Variants in PLCL1 observed in about 807,000 individuals in gnomAD.
The protein encoded by PLCL1 is inactive phospholipase C-like protein 1.
In PLCL1, 41 loss-of-function variants were observed where a neutral mutation model predicts 84.4. The observed-to-expected ratio is 0.49, with a 90% CI of 0.38 to 0.63. The LOEUF is 0.63. Ranked by LOEUF, PLCL1 falls within the 30% of genes least tolerant of loss-of-function variation. The probability of loss-of-function intolerance (pLI) is 0.00; values close to 1 mark genes in which losing one functional copy is unlikely to be tolerated. For synonymous variants in PLCL1, 490 were observed against 488.3 expected, an observed-to-expected ratio of 1.00 and a Z score of -0.05; for missense variants, 1,206 against 1,367.8, an observed-to-expected ratio of 0.88 and a Z score of 1.87.
At chr2:197,807,700 A>T (rs945403975) in intron 1 of PLCL1, among the ~76,000 whole-genome samples, 2 of 152,178 alleles carry the variant, frequency 1.3e-5, no homozygotes, top group South Asian at 2.1e-4. Flanking sequence ...ATTTTTTTTT[A>T]AATTTGGCAT....
intron 1 of PLCL1, among the ~76,000 whole-genome samples, chr2:197,933,604 G>C (rs1265593080): frequency 1.3e-5 from 2 of 152,120 alleles, no homozygotes; most frequent in East Asian, 3.8e-4. Context: ...CAAAATGAGG[G>C]TAATTGGTGA....
intron 5 of PLCL1, among the ~76,000 whole-genome samples, chr2:198,104,273 T>C (rs758890165): frequency 6.6e-6 from 1 of 152,032 alleles, no homozygotes; most frequent in African/African-American, 2.4e-5. Flanking sequence ...TTCCCACTTA[T>C]AAGTGAGAAT....
Position 198,149,735 on chromosome 2 carries a change from T to G in PLCL1, c.*2773T>G, listed in dbSNP as rs149619136. 2 of 152,302 alleles carry G rather than the reference T, an allele frequency of 1.3e-5. No homozygotes were observed. Among genetic ancestry groups the G allele is most frequent in the East Asian group, 3.9e-4 (2 of 5,186 alleles). 9.4% of individuals were successfully genotyped at this position (152,302 alleles called of 1,614,324 possible). ...TTAGACACTGTTTAGAGTTTATACA[T>G]ATATGTAAATATGCTTGTATTTTAA... is the stretch of plus-strand genomic sequence containing the variant. On this transcript the variant is annotated 3_prime_UTR_variant, in exon 6 of 6. Coordinates refer to ENST00000428675, the MANE Select transcript of PLCL1 (RefSeq NM_006226.4).
intron 5 of PLCL1, among the ~76,000 whole-genome samples, chr2:198,109,323 A>G (rs1277600036): frequency 6.6e-6 from 1 of 151,848 alleles, no homozygotes; most frequent in Non-Finnish European, 1.5e-5. Context: ...AGTTCCCTCC[A>G]GCCCTTTTAC....
In PLCL1 at chr2:198,083,875, G is replaced by C. The variant is rs1692782850; in HGVS notation, c.358G>C (p.Glu120Gln). 6.2e-7 allele frequency: 1 copy of C among 1,614,038 alleles called. No homozygotes were observed. Among genetic ancestry groups the C allele is most frequent in the Non-Finnish European group, 8.5e-7 (1 of 1,180,002 alleles). Residue 120 changes from glutamate to glutamine, a missense_variant, in exon 2 of 6, where the codon GAG becomes CAG. Glu to Gln is a conservative substitution (Grantham distance 29). Transcript: ENST00000428675. Reference sequence around the variant, plus strand: ...CATCAGCTTCATGCAAGCTGGCTGTGAGTTGAAGAAAGTCCGGCCAAATTC... The same window carrying C: ...CATCAGCTTCATGCAAGCTGGCTGTCAGTTGAAGAAAGTCCGGCCAAATTC... ...DCISFMQAGCELKKVRPNSRI... is the reference protein window; with the variant it reads ...DCISFMQAGCQLKKVRPNSRI...
intron 1 of PLCL1, among the ~76,000 whole-genome samples, chr2:198,012,235 C>G (rs1020398997): frequency 3.9e-5 from 6 of 152,014 alleles, no homozygotes; most frequent in African/African-American, 7.2e-5. Context: ...GATTGTATAC[C>G]CAGGGGCAAT....
intron 1 of PLCL1, among the ~76,000 whole-genome samples, chr2:197,937,899 C>T (rs1266046731): frequency 6.6e-6 from 1 of 151,984 alleles, no homozygotes; most frequent in Non-Finnish European, 1.5e-5. Flanking sequence ...CTTGGGGTCC[C>T]ATAATGTTTC....
chr2:197,921,385 G>A (rs1007346920), intron 1 of PLCL1, among the ~76,000 whole-genome samples: 2 of 152,076 alleles, frequency 1.3e-5, no homozygotes, highest in Non-Finnish European at 2.9e-5. Context: ...TAATTAATAG[G>A]GGTCCTTTTC....
chr2:198,013,390 C>T (rs764774430), intron 1 of PLCL1, among the ~76,000 whole-genome samples: 1 of 152,112 alleles, frequency 6.6e-6, no homozygotes, highest in East Asian at 1.9e-4. Flanking sequence ...TTGATTGTGA[C>T]CACTTTATTA....
chr2:197,958,239 TACCAGGTC>T lies in PLCL1; in HGVS notation c.241-125514_241-125507del, dbSNP rs201650868. 4.5e-3 allele frequency among the ~76,000 whole-genome samples: 689 copies of T among 152,126 alleles called. 4 individuals carry two copies. The highest frequency in any genetic ancestry group is 0.016 in the African/African-American group (649 of 41,532). On this transcript the variant is annotated intron_variant, in intron 1 of 5. Coordinates refer to ENST00000428675, the MANE Select transcript of PLCL1 (RefSeq NM_006226.4). ...CCATATTATTTCTAGTTTCCTTTTGTACCAGGTCACCAAGTTATAAAGCAGGGGTGTCT... is the reference window on the plus strand; with the variant it reads ...CCATATTATTTCTAGTTTCCTTTTGTACCAAGTTATAAAGCAGGGGTGTCT...
chr2:198,118,528 G>T (rs1693797689), intron 5 of PLCL1, among the ~76,000 whole-genome samples: 1 of 151,968 alleles, frequency 6.6e-6, no homozygotes, highest in African/African-American at 2.4e-5. Flanking sequence ...AACTACAGGA[G>T]ACTTGAAAAT....
chr2:198,121,033 T>G (rs1242946666), intron 5 of PLCL1, among the ~76,000 whole-genome samples: 1 of 152,098 alleles, frequency 6.6e-6, no homozygotes, highest in Non-Finnish European at 1.5e-5. Context: ...AGATGATATC[T>G]CATTGTAGTT....
At chr2:198,055,787 G>A (rs1173191168) in intron 1 of PLCL1, among the ~76,000 whole-genome samples, 2 of 152,038 alleles carry the variant, frequency 1.3e-5, no homozygotes, top group Non-Finnish European at 2.9e-5. Context: ...AATGATGAAA[G>A]CTCCAGTGCT....
At chr2:198,044,429 C>G (rs1185349804) in intron 1 of PLCL1, among the ~76,000 whole-genome samples, 1 of 152,162 alleles carries the variant, frequency 6.6e-6, no homozygotes, top group Non-Finnish European at 1.5e-5. Context: ...CCACACTGTA[C>G]TTGAACTATA....
chr2:197,852,338 C>G (rs1687255163), intron 1 of PLCL1, among the ~76,000 whole-genome samples: 1 of 152,184 alleles, frequency 6.6e-6, no homozygotes, highest in Non-Finnish European at 1.5e-5. Flanking sequence ...AGTACTGATC[C>G]TGGCTCTAGA....
intron 3 of PLCL1, among the ~76,000 whole-genome samples, chr2:198,093,520 A>G (rs1693106428): frequency 6.6e-6 from 1 of 152,214 alleles, no homozygotes; most frequent in Admixed American, 6.5e-5. Context: ...ATTTGGATGA[A>G]TAAGGGAAAA....
Position 197,989,369 on chromosome 2 carries a change from C to T in PLCL1, c.241-94389C>T, listed in dbSNP as rs115753194. On this transcript the variant is annotated intron_variant, in intron 1 of 5. Transcript: ENST00000428675. The stretch of plus-strand genomic sequence containing the variant: ...TGTTTTGGTGGCTTAGAGAAAGAGA[C>T]ACCACTTCTCCTAGCTTGACTTTCT... 4.8e-3 allele frequency among the ~76,000 whole-genome samples: 734 copies of T among 152,196 alleles called. 6 individuals are homozygous for T. The highest frequency in any genetic ancestry group is 0.016 in the African/African-American group (680 of 41,532).
At chr2:198,014,035 A>C (rs1690932620) in intron 1 of PLCL1, among the ~76,000 whole-genome samples, 1 of 152,060 alleles carries the variant, frequency 6.6e-6, no homozygotes. Flanking sequence ...TCCCAAGCTG[A>C]ACTAGGTAAA....
At chr2:197,853,147 C>T (rs1390826606) in intron 1 of PLCL1, among the ~76,000 whole-genome samples, 1 of 152,196 alleles carries the variant, frequency 6.6e-6, no homozygotes, top group Non-Finnish European at 1.5e-5. Context: ...GCTTATTTCA[C>T]TTAGCATAAT....
Sources: gnomAD v4.1 joint callset for allele counts (sites outside exome capture counted in the v4.1 genomes callset) on GRCh38, gnomAD v4.1.1 for gene constraint, MANE v1.5 for transcripts, NCBI Gene and HGNC (gene_info 2026-07-23, HGNC 2026-07-21) for gene names.